C1QBP: variants seen among roughly 807,000 people sequenced by gnomAD.
C1QBP encodes complement component 1 Q subcomponent-binding protein, mitochondrial.
C1QBP carries 24 observed loss-of-function variants against 29.4 expected under a neutral mutation model. The ratio of observed to expected loss-of-function variants is 0.82; its 90% confidence interval spans 0.59 to 1.15. The LOEUF (loss-of-function observed/expected upper bound fraction) is 1.15. Ranked by LOEUF, C1QBP falls within the 50% of genes most tolerant of loss-of-function variation. C1QBP has a pLI of 0.00. For synonymous variants in C1QBP, 182 were observed against 149.2 expected (o/e 1.22, Z -1.60); for missense variants, 337 against 355.8 (o/e 0.95, Z 0.43).
In C1QBP at chr17:5,436,747, G is replaced by C. The variant is rs187023638; in HGVS notation, c.383+1376C>G. Reference sequence around the variant, plus strand: ...ATTAAAAAGGTAAATAGGGTGGGCAGGGTGGCTCACACCTGAAATCCCAGC... The same window carrying C: ...ATTAAAAAGGTAAATAGGGTGGGCACGGTGGCTCACACCTGAAATCCCAGC... On this transcript the variant is annotated intron_variant, in intron 2 of 5. Coordinates refer to ENST00000225698, the MANE Select transcript of C1QBP (RefSeq NM_001212.4). 9.2e-4 allele frequency among the ~76,000 whole-genome samples: 136 copies of C among 147,298 alleles called. 4 individuals carry two copies. Among genetic ancestry groups the C allele is most frequent in the East Asian group, 3.5e-3 (18 of 5,184 alleles).
At chr17:5,436,130 T>G (rs528764133) in intron 2 of C1QBP, among the ~76,000 whole-genome samples, 66 of 150,606 alleles carry the variant, frequency 4.4e-4, no homozygotes, top group Admixed American at 9.2e-4. Context: ...CACCTTTCCA[T>G]GGCAACAGAG....
intron 2 of C1QBP, among the ~76,000 whole-genome samples, chr17:5,435,853 C>G (rs1237761538): frequency 1.5e-5 from 2 of 129,778 alleles, no homozygotes; most frequent in Admixed American, 1.6e-4. Flanking sequence ...CACGATGAAA[C>G]TCCATCTCTA....
At chr17:5,435,074 G>GA (rs1392796129) in intron 2 of C1QBP, 108 bp from the exon 3 acceptor site, 1 of 968,858 alleles carries the variant, frequency 1.0e-6, no homozygotes, top group Non-Finnish European at 1.7e-6. Flanking sequence ...AAGGCGTATT[G>GA]AAACAATGTC....
At chr17:5,438,712 G>A (rs1188985588) in intron 1 of C1QBP, 130 bp downstream of exon 1, 1 of 1,534,982 alleles carries the variant, frequency 6.5e-7, no homozygotes, top group Admixed American at 2.0e-5. Context: ...ATCATACGTG[G>A]GTTTAGCCCG....
chr17:5,438,690 G>A (rs1916338945), intron 1 of C1QBP, 152 bp downstream of exon 1: 1 of 1,488,206 alleles, frequency 6.7e-7, no homozygotes, highest in Admixed American at 2.1e-5. Context: ...TAGGGGAGGT[G>A]GGGGAAATAT....
At chr17:5,438,700 T>C (rs533754548) in intron 1 of C1QBP, 142 bp downstream of exon 1, 3 of 1,517,014 alleles carry the variant, frequency 2.0e-6, no homozygotes, top group South Asian at 2.4e-5. Flanking sequence ...GGGGGAAATA[T>C]GATCATACGT....
At chr17:5,437,835 G>C (rs1198146243) in intron 2 of C1QBP, among the ~76,000 whole-genome samples, 1 of 152,204 alleles carries the variant, frequency 6.6e-6, no homozygotes, top group Admixed American at 6.5e-5. Context: ...AAACATTAGA[G>C]AGCAGTGTCC....
At chr17:5,436,689 T>C (rs755329289) in intron 2 of C1QBP, among the ~76,000 whole-genome samples, 10 of 151,602 alleles carry the variant, frequency 6.6e-5, no homozygotes, top group Non-Finnish European at 1.3e-4. Context: ...AAGATAGTTG[T>C]ACCCAGAAAA....
In C1QBP at chr17:5,432,950, C is replaced by T. The variant is rs374449575; in HGVS notation, c.*65G>A. On this transcript the variant is annotated 3_prime_UTR_variant, in exon 6 of 6. Transcript: ENST00000225698. Reference sequence around the variant, plus strand: ...TCATTTCAAAGCACATGTCTAGCTTCAGAGTAGGATTTGTTCACTGGCCAA... The same window carrying T: ...TCATTTCAAAGCACATGTCTAGCTTTAGAGTAGGATTTGTTCACTGGCCAA... 1 of 1,521,248 alleles carries T rather than the reference C, an allele frequency of 6.6e-7. No individual in the cohort carries two copies. The highest frequency in any genetic ancestry group is 1.4e-5 in the African/African-American group (1 of 71,684). The allele number at this position is 1,521,248 out of a possible 1,614,324, so 94.2% of individuals were successfully genotyped here.
At chr17:5,437,109 C>T (rs1281529782) in intron 2 of C1QBP, among the ~76,000 whole-genome samples, 1 of 152,134 alleles carries the variant, frequency 6.6e-6, no homozygotes, top group Non-Finnish European at 1.5e-5. Flanking sequence ...GGGGTGGCTA[C>T]AGGGAGGAAT....
chr17:5,433,453 C>G, intron 4 of C1QBP, 38 bp from the exon 5 acceptor site: 1 of 1,613,668 alleles, frequency 6.2e-7, no homozygotes, highest in African/African-American at 1.3e-5. Flanking sequence ...AAGGGTTCTC[C>G]AGGACAAGCT....
intron 3 of C1QBP, 71 bp downstream of exon 3, chr17:5,434,802 A>T: frequency 7.2e-7 from 1 of 1,395,704 alleles, no homozygotes; most frequent in Non-Finnish European, 1.0e-6. Flanking sequence ...CCAAAGAAAA[A>T]CGCTCCTCCT....
At chr17:5,433,539 C>T in intron 4 of C1QBP, 124 bp from the exon 5 acceptor site, 1 of 1,508,778 alleles carries the variant, frequency 6.6e-7, no homozygotes. Flanking sequence ...CACTCCCCAC[C>T]TCTCTCCCCC....
In C1QBP at chr17:5,438,923, C is replaced by T. The variant is rs1916347293; in HGVS notation, c.151G>A (p.Gly51Ser). 7.8e-6 allele frequency: 12 copies of T among 1,537,244 alleles called. No individual in the cohort carries two copies. The highest frequency in any genetic ancestry group is 1.1e-5 in the Non-Finnish European group (12 of 1,141,750). Residue 51 changes from glycine to serine, a missense_variant, in exon 1 of 6, where the codon GGT (glycine) becomes AGT (serine). Coordinates refer to ENST00000225698, the MANE Select transcript of C1QBP (RefSeq NM_001212.4). ...RPFGLLSVRA[G>S]SERRPGLLRP... ...AGGAGGCCCGGCCGCCGCTCGGAACCTGCGCGCACGCTGAGCAGCCCGAAG... is the reference window on the plus strand; with the variant it reads ...AGGAGGCCCGGCCGCCGCTCGGAACTTGCGCGCACGCTGAGCAGCCCGAAG...
Position 5,438,251 on chromosome 17 carries a change from G to A in C1QBP, c.255C>T (p.Phe85=). The part of the protein sequence containing the change: ...HTDGDKAFVD[F]LSDEIKEERK... ...TTTCCTCCTTAATTTCATCACTCAG[G>A]AAATCAACAAAAGCTTTGTCTCCTA... The change falls in exon 2 of 6, where the codon TTC becomes TTT. Residue 85 remains phenylalanine (F), a synonymous_variant. Coordinates refer to ENST00000225698, the MANE Select transcript of C1QBP (RefSeq NM_001212.4). 6.2e-7 allele frequency: 1 copy of A among 1,613,794 alleles called. No homozygotes were observed. Among genetic ancestry groups the A allele is most frequent in the Middle Eastern group, 1.7e-4 (1 of 6,052 alleles).
intron 3 of C1QBP, chr17:5,434,243 G>C (rs1916194063): frequency 5.0e-6 from 1 of 200,260 alleles, no homozygotes; most frequent in East Asian, 1.3e-4. Context: ...ACGTCAGGGA[G>C]ATGCTAGTTG....
chr17:5,434,824 G>A, intron 3 of C1QBP, 49 bp downstream of exon 3: 1 of 1,537,094 alleles, frequency 6.5e-7, no homozygotes, highest in Non-Finnish European at 9.0e-7. Context: ...TAAGCCCCAG[G>A]CACAGCCTGT....
intron 1 of C1QBP, 69 bp from the exon 2 acceptor site, chr17:5,438,342 T>A: frequency 6.5e-7 from 1 of 1,549,094 alleles, no homozygotes; most frequent in African/African-American, 1.4e-5. Context: ...ATTACCCAGG[T>A]TATTGCAGCC....
chr17:5,437,300 A>G (rs1286923548), intron 2 of C1QBP, among the ~76,000 whole-genome samples: 2 of 152,248 alleles, frequency 1.3e-5, no homozygotes, highest in African/African-American at 4.8e-5. Context: ...TAAAAAAATT[A>G]CATACACATC....
Sources: allele counts gnomAD v4.1 joint callset (sites outside exome capture counted in the v4.1 genomes callset), GRCh38; gene constraint gnomAD v4.1.1; transcripts MANE v1.5; gene names NCBI Gene and HGNC (gene_info 2026-07-23, HGNC 2026-07-21).